TNRC6B: variants seen among roughly 807,000 people sequenced by gnomAD.
The protein encoded by TNRC6B is trinucleotide repeat-containing gene 6B protein.
In TNRC6B, 52 loss-of-function variants were observed where a neutral mutation model predicts 203.6. The ratio of observed to expected loss-of-function variants is 0.26; its 90% CI spans 0.20 to 0.32. The LOEUF is 0.32. Among genes scored for constraint, TNRC6B ranks in the 10% least tolerant of loss-of-function variants. The pLI is 1.00. For missense variants in TNRC6B, 1,923 were observed against 2,286.2 expected, an observed-to-expected ratio of 0.84 and a Z score of 3.24; for synonymous variants, 838 against 845.7, an observed-to-expected ratio of 0.99 and a Z score of 0.16.
At chr22:40,075,158 T>TATATA (rs57939511) in intron 1 of TNRC6B, among the ~76,000 whole-genome samples, 69 of 57,012 alleles carry the variant, frequency 1.2e-3, no homozygotes, top group African/African-American at 8.0e-3. Context: ...ATATATATAT[T>TATATA]TTTTTTTTTT....
chr22:40,300,822 T>G, intron 13 of TNRC6B, 88 bp from the exon 14 acceptor site: 1 of 1,334,542 alleles, frequency 7.5e-7, no homozygotes, highest in South Asian at 1.3e-5. Context: ...TTGTGTGACC[T>G]GTACTTCAGT....
intron 2 of TNRC6B, among the ~76,000 whole-genome samples, chr22:40,247,046 C>T (rs564802180): frequency 6.6e-6 from 1 of 152,304 alleles, no homozygotes; most frequent in Non-Finnish European, 1.5e-5. Flanking sequence ...TACCTTACCT[C>T]CCTGTTTGCC....
At chr22:40,225,385 G>GA (rs756209827) in intron 1 of TNRC6B, among the ~76,000 whole-genome samples, 4 of 152,100 alleles carry the variant, frequency 2.6e-5, no homozygotes, top group Non-Finnish European at 5.9e-5. Context: ...ACTGAAAGGA[G>GA]AAAAAAATCC....
intron 9 of TNRC6B, 55 bp downstream of exon 9, chr22:40,278,099 T>C: frequency 7.2e-7 from 1 of 1,396,012 alleles, no homozygotes; most frequent in Non-Finnish European, 1.0e-6. Flanking sequence ...AGTGTCCTTT[T>C]GGCATCTCCT....
chr22:40,161,280 G>A (rs1307097252), intron 4 of TNRC6B, among the ~76,000 whole-genome samples: 1 of 152,158 alleles, frequency 6.6e-6, no homozygotes, highest in Non-Finnish European at 1.5e-5. Context: ...TGTATATGGT[G>A]TGAGGCAGAG....
chr22:40,317,662 C>G (rs1323988143), intron 21 of TNRC6B, among the ~76,000 whole-genome samples: 3 of 151,618 alleles, frequency 2.0e-5, no homozygotes, highest in Non-Finnish European at 2.9e-5. Flanking sequence ...ATAATTTGCT[C>G]TCATCAGACC....
intron 1 of TNRC6B, among the ~76,000 whole-genome samples, chr22:40,089,035 C>T (rs1031259294): frequency 6.6e-6 from 1 of 152,104 alleles, no homozygotes; most frequent in Admixed American, 6.5e-5. Flanking sequence ...TCATGTGGAA[C>T]ATACCAGTGA....
At chr22:40,063,894 G>C (rs2067874351) in intron 1 of TNRC6B, among the ~76,000 whole-genome samples, 1 of 151,876 alleles carries the variant, frequency 6.6e-6, no homozygotes, top group Non-Finnish European at 1.5e-5. Context: ...GTAGAGACAG[G>C]GTTTTGCTAT....
intron 1 of TNRC6B, among the ~76,000 whole-genome samples, chr22:40,058,199 C>G (rs2067817119): frequency 1.3e-5 from 2 of 152,034 alleles, no homozygotes; most frequent in African/African-American, 4.8e-5. Context: ...AGCCAAAAGG[C>G]TCAGAGGGGA....
At chr22:40,222,981 G>A (rs1249904382) in intron 1 of TNRC6B, among the ~76,000 whole-genome samples, 1 of 151,730 alleles carries the variant, frequency 6.6e-6, no homozygotes, top group Non-Finnish European at 1.5e-5. Context: ...TTTGGGACTT[G>A]AGCAGGCCAC....
At chr22:40,174,704 A>T (rs2069038766), upstream of TNRC6B, among the ~76,000 whole-genome samples, 1 of 152,064 alleles carries the variant, frequency 6.6e-6, no homozygotes, top group Non-Finnish European at 1.5e-5. Context: ...AGGCACCTAT[A>T]GTCCCAGCTA....
At chr22:40,168,960 T>A (rs2068945308) in intron 4 of TNRC6B, among the ~76,000 whole-genome samples, 1 of 152,206 alleles carries the variant, frequency 6.6e-6, no homozygotes, top group Admixed American at 6.5e-5. Context: ...TACTTTGCTA[T>A]ATTTTAATTA....
At chr22:40,051,298 C>CTAAA (rs1192895524) in intron 1 of TNRC6B, among the ~76,000 whole-genome samples, 5 of 152,290 alleles carry the variant, frequency 3.3e-5, no homozygotes, top group Admixed American at 2.6e-4. Context: ...CAGACTAGAT[C>CTAAA]TAAACTAAAC....
chr22:40,132,967 A>ATATATATATAT (rs1263879588), intron 3 of TNRC6B, among the ~76,000 whole-genome samples: 45 of 66,416 alleles, frequency 6.8e-4, no homozygotes, highest in African/African-American at 1.5e-3. Context: ...AAAAAAAAAA[A>ATATATATATAT]AAATATATAT....
At chr22:40,066,122 C>T (rs9623120) in intron 1 of TNRC6B, among the ~76,000 whole-genome samples, 2 of 152,122 alleles carry the variant, frequency 1.3e-5, no homozygotes, top group South Asian at 2.1e-4. Context: ...AGGTATTCCT[C>T]TGAGTTCCCC....
At chr22:40,133,846 T>C (rs113771288) in intron 3 of TNRC6B, among the ~76,000 whole-genome samples, 4,389 of 151,716 alleles carry the variant, frequency 0.029, 176 homozygotes, top group African/African-American at 0.092. Flanking sequence ...GGCATGTGCC[T>C]GTAATCCCAG....
intron 1 of TNRC6B, among the ~76,000 whole-genome samples, chr22:40,199,413 A>T (rs976912977): frequency 6.6e-6 from 1 of 152,138 alleles, no homozygotes; most frequent in Non-Finnish European, 1.5e-5. Context: ...ACCTGCTAGG[A>T]TGCAAAGAGA....
At chr22:40,200,390 G>A (rs952788500) in intron 1 of TNRC6B, among the ~76,000 whole-genome samples, 44 of 134,728 alleles carry the variant, frequency 3.3e-4, no homozygotes, top group African/African-American at 1.0e-3. Flanking sequence ...GGGTTCAAGC[G>A]TTTCTCCTGC....
intron 19 of TNRC6B, among the ~76,000 whole-genome samples, chr22:40,314,480 C>T (rs1327582799): frequency 6.6e-6 from 1 of 152,224 alleles, no homozygotes; most frequent in Non-Finnish European, 1.5e-5. Context: ...GTGAACTGTT[C>T]AACCAAAATT....
Sources: allele counts gnomAD v4.1 joint callset (sites outside exome capture counted in the v4.1 genomes callset), GRCh38; gene constraint gnomAD v4.1.1; transcripts MANE v1.5; gene names NCBI Gene and HGNC (gene_info 2026-07-23, HGNC 2026-07-21).